CNTNAP5: variants seen among roughly 807,000 people sequenced by gnomAD.
The protein encoded by CNTNAP5 is contactin-associated protein-like 5.
In CNTNAP5, 72 loss-of-function variants were observed where a neutral mutation model predicts 150.2. That is an observed-to-expected ratio of 0.48 (90% CI 0.40 to 0.58). The LOEUF (loss-of-function observed/expected upper bound fraction) is 0.58. Among genes scored for constraint, CNTNAP5 ranks in the 20% least tolerant of loss-of-function variants. CNTNAP5 has a pLI of 0.00. For missense variants in CNTNAP5, 1,636 were observed against 1,626.2 expected (o/e 1.01, Z -0.10); for synonymous variants, 672 against 619.8 (o/e 1.08, Z -1.25).
In CNTNAP5 at chr2:124,763,812, T is replaced by G. The variant is rs753073712; in HGVS notation, c.2362+13T>G. Reference sequence around the variant, plus strand: ...TGCTATGGTGACCGTGAGTACAAAATCGAAAGAAGCTTTCTCTCTGCATTA... The same window carrying G: ...TGCTATGGTGACCGTGAGTACAAAAGCGAAAGAAGCTTTCTCTCTGCATTA... On this transcript the variant is annotated intron_variant, in intron 15 of 23. Transcript: ENST00000682447. 2 of 1,612,612 alleles carry G rather than the reference T, an allele frequency of 1.2e-6. No homozygotes were observed. The highest frequency in any genetic ancestry group is 8.5e-7 in the Non-Finnish European group (1 of 1,179,308).
chr2:124,265,697 A>G (rs1687587041), intron 3 of CNTNAP5, among the ~76,000 whole-genome samples: 1 of 152,064 alleles, frequency 6.6e-6, no homozygotes, highest in Non-Finnish European at 1.5e-5. Context: ...CTGACATGAA[A>G]TTGGAGGTGC....
intron 9 of CNTNAP5, among the ~76,000 whole-genome samples, chr2:124,525,468 T>G (rs549198833): frequency 1.7e-4 from 26 of 152,346 alleles, no homozygotes; most frequent in African/African-American, 6.3e-4. Context: ...CTTATTTTTT[T>G]CCTATTAGTA....
intron 1 of CNTNAP5, among the ~76,000 whole-genome samples, chr2:124,095,116 T>A (rs1682903558): frequency 6.6e-6 from 1 of 152,090 alleles, no homozygotes; most frequent in African/African-American, 2.4e-5. Context: ...AATGATAGAC[T>A]GGATAAAGAA....
At chr2:124,713,243 C>CTT (rs1280851827) in intron 13 of CNTNAP5, among the ~76,000 whole-genome samples, 14,160 of 65,050 alleles carry the variant, frequency 0.22, 3,156 homozygotes, top group East Asian at 0.28. Flanking sequence ...TTCTTTCTTT[C>CTT]TCTTTCTTTC....
Position 124,764,092 on chromosome 2 carries a change from C to T in CNTNAP5, c.2478C>T (p.Ser826=), listed in dbSNP as rs536683996. The T allele has an allele frequency of 1.1e-5, 17 of 1,612,992 alleles. No individual in the cohort carries two copies. The South Asian group carries it at 1.1e-4, about 10-fold the overall frequency. ...TCTTTTTTAAAACCACAGCATTATCCGGAGTTTTCCTAGAAAATCTTGGCA... is the reference window on the plus strand; with the variant it reads ...TCTTTTTTAAAACCACAGCATTATCTGGAGTTTTCCTAGAAAATCTTGGCA... ...ISFFFKTTAL[S]GVFLENLGIK... Residue 826 remains serine, a synonymous_variant, in exon 16 of 24, where the codon TCC becomes TCT. Coordinates refer to ENST00000682447, the MANE Select transcript of CNTNAP5 (RefSeq NM_001367498.1).
chr2:124,200,015 A>G (rs11123027), intron 1 of CNTNAP5, among the ~76,000 whole-genome samples: 117,469 of 152,072 alleles, frequency 0.77, 45,709 homozygotes, highest in East Asian at 1. Flanking sequence ...TGTCAAGTGA[A>G]TAATGTTCAT....
chr2:124,588,122 T>G (rs549347267), intron 11 of CNTNAP5, among the ~76,000 whole-genome samples: 4 of 149,174 alleles, frequency 2.7e-5, no homozygotes, highest in Admixed American at 2.7e-4. Context: ...CTCCTTTTCC[T>G]TCCTTCCTTT....
chr2:124,277,866 A>G (rs1476568823), intron 3 of CNTNAP5, among the ~76,000 whole-genome samples: 2 of 152,162 alleles, frequency 1.3e-5, no homozygotes, highest in African/African-American at 4.8e-5. Flanking sequence ...ATGCATTAGC[A>G]ATCACCACCA....
In CNTNAP5 at chr2:124,610,055, G is replaced by A. The variant is rs527867248; in HGVS notation, c.1876+135G>A. On this transcript the variant is annotated intron_variant, in intron 12 of 23. Coordinates refer to ENST00000682447, the MANE Select transcript of CNTNAP5 (RefSeq NM_001367498.1). ...ACTGGTCTCCTTTGGGGAGGAAATGGTATTCTGGTGAGTAATGCAAATTTG... is the reference window on the plus strand; with the variant it reads ...ACTGGTCTCCTTTGGGGAGGAAATGATATTCTGGTGAGTAATGCAAATTTG... The A allele has an allele frequency of 3.1e-5, 30 of 958,256 alleles. No individual in the cohort carries two copies. In the African/African-American group the frequency reaches 4.1e-4, roughly 13 times the overall value. The allele number at this position is 958,256 out of a possible 1,614,324, so 59.4% of individuals were successfully genotyped here. A position where few individuals can be genotyped will look rare whatever the true frequency, so the allele number is the denominator to read the frequency against.
At chr2:124,605,319 C>A (rs1489118022) in intron 11 of CNTNAP5, among the ~76,000 whole-genome samples, 1 of 152,100 alleles carries the variant, frequency 6.6e-6, no homozygotes, top group Non-Finnish European at 1.5e-5. Context: ...AGAACTGATG[C>A]ACTGAGGATA....
At chr2:124,770,462 C>G (rs1255718345) in intron 16 of CNTNAP5, among the ~76,000 whole-genome samples, 1 of 152,148 alleles carries the variant, frequency 6.6e-6, no homozygotes, top group Non-Finnish European at 1.5e-5. Context: ...ACAAGACTAG[C>G]CTTGCAGGAA....
intron 11 of CNTNAP5, among the ~76,000 whole-genome samples, chr2:124,592,869 C>T (rs1323486594): frequency 6.6e-6 from 1 of 151,870 alleles, no homozygotes; most frequent in Non-Finnish European, 1.5e-5. Flanking sequence ...CTTTGTGATG[C>T]AAATTGTAAT....
intron 13 of CNTNAP5, among the ~76,000 whole-genome samples, chr2:124,722,480 G>A (rs1680068823): frequency 6.6e-6 from 1 of 152,156 alleles, no homozygotes; most frequent in African/African-American, 2.4e-5. Flanking sequence ...TAGGTCCCAA[G>A]CAAGACCAAA....
At chr2:124,532,808 A>T (rs1558942785) in intron 10 of CNTNAP5, among the ~76,000 whole-genome samples, 1 of 152,290 alleles carries the variant, frequency 6.6e-6, no homozygotes, top group East Asian at 1.9e-4. Context: ...AGTGCGAGAA[A>T]AATGAGAGTG....
rs376002632 is a variant in CNTNAP5, at chr2:124,242,562, T to C, written c.381+169T>C. 5.6e-4 allele frequency: 340 copies of C among 611,638 alleles called. 1 individual carries two copies. In the South Asian group the frequency reaches 8.0e-3, roughly 14 times the overall value. The allele number at this position is 611,638 out of a possible 1,614,324, so 37.9% of individuals were successfully genotyped here. A position where few individuals can be genotyped will look rare whatever the true frequency, so the allele number is the denominator to read the frequency against. ...AGGCCCATGCCCGGCATGGTTCTACTTCCTAGGAAAATTAGGATGTCTGTC... is the reference window on the plus strand; with the variant it reads ...AGGCCCATGCCCGGCATGGTTCTACCTCCTAGGAAAATTAGGATGTCTGTC... On this transcript the variant is annotated intron_variant, in intron 3 of 23. Transcript: ENST00000682447.
In CNTNAP5 at chr2:124,164,422, TGACAAAGA is replaced by T. The variant is rs1252363856; in HGVS notation, c.83-57280_83-57273del. Among the ~76,000 whole-genome samples the T allele has an allele frequency of 2.0e-5, 3 of 152,306 alleles. No homozygotes were observed. In the South Asian group the frequency reaches 6.2e-4, roughly 32 times the overall value. On this transcript the variant is annotated intron_variant, in intron 1 of 23. Transcript: ENST00000682447. The stretch of plus-strand genomic sequence containing the variant: ...TAATATAATTTCAGATAGCTGTAAG[TGACAAAGA>T]GAGAAATAAACCCAGCTAAGTGCAG...
At position 124,027,448 on chromosome 2, in the gene CNTNAP5, A is replaced by G. The variant is rs1680926006; in HGVS notation, c.82+1716A>G. Among the ~76,000 whole-genome samples the G allele has an allele frequency of 2.0e-5, 3 of 152,234 alleles. No individual in the cohort carries two copies. The South Asian group carries it at 6.2e-4, about 32-fold the overall frequency. On this transcript the variant is annotated intron_variant, in intron 1 of 23. Transcript: ENST00000682447. ...AAAGGTGGGGGTGAGAGATAAGGAT[A>G]AAAAAGACAGAACATACTCCACACG...
At chr2:124,507,582 G>T (rs1219911891) in intron 8 of CNTNAP5, among the ~76,000 whole-genome samples, 1 of 152,172 alleles carries the variant, frequency 6.6e-6, no homozygotes, top group African/African-American at 2.4e-5. Flanking sequence ...TAAAATGTAG[G>T]TGAAGCCATA....
chr2:124,505,318 A>T (rs1042725511), intron 8 of CNTNAP5, among the ~76,000 whole-genome samples: 5 of 152,142 alleles, frequency 3.3e-5, no homozygotes, highest in African/African-American at 2.4e-5. Context: ...TTCCTAAGTG[A>T]TGGAGCTGGG....
Sources: gnomAD v4.1 joint callset for allele counts (sites outside exome capture counted in the v4.1 genomes callset) on GRCh38, gnomAD v4.1.1 for gene constraint, MANE v1.5 for transcripts, NCBI Gene and HGNC (gene_info 2026-07-23, HGNC 2026-07-21) for gene names.